The following LPIN2 variants were observed in gnomAD, a reference collection of about 807,000 sequenced individuals.
LPIN2 encodes the protein lipin 2.
LPIN2 carries 55 observed loss-of-function variants against 111.4 expected under a neutral mutation model. The ratio of observed to expected loss-of-function variants is 0.49; its 90% confidence interval spans 0.40 to 0.62. The LOEUF (loss-of-function observed/expected upper bound fraction) is 0.62. Ranked by LOEUF, LPIN2 falls within the 20% of genes least tolerant of loss-of-function variation. The probability of loss-of-function intolerance (pLI) is 0.00; values close to 1 mark genes in which losing one functional copy is unlikely to be tolerated. For synonymous variants in LPIN2, 425 were observed against 414.0 expected (o/e 1.03, Z -0.32); for missense variants, 992 against 1,112.1 (o/e 0.89, Z 1.54).
In LPIN2 at chr18:3,003,976, G is replaced by T. The variant is rs368474576; in HGVS notation, c.-10+9111C>A. ...ACCGTGTGGAAGGAATGCATTCCTG[G>T]GGGGAGGTCTATTAACGGCCGCTCT... On this transcript the variant is annotated intron_variant, in intron 1 of 19. Coordinates refer to ENST00000677752, the MANE Select transcript of LPIN2 (RefSeq NM_001375808.2). Among the ~76,000 whole-genome samples the T allele has an allele frequency of 7.9e-5, 12 of 151,862 alleles. No individual in the cohort carries two copies. In the East Asian group the frequency reaches 2.3e-3, roughly 29 times the overall value.
intron 1 of LPIN2, among the ~76,000 whole-genome samples, chr18:3,000,040 T>TC (rs1290653711): frequency 6.6e-6 from 1 of 150,478 alleles, no homozygotes; most frequent in African/African-American, 2.4e-5. Context: ...GTTTTTTTTT[T>TC]TCTTTTAAAA....
chr18:2,945,613 T>A (rs2077438972), intron 4 of LPIN2: 2 of 1,529,652 alleles, frequency 1.3e-6, no homozygotes, highest in Admixed American at 1.7e-5. Context: ...GCTTGCCCAC[T>A]GCATCGGTTC....
intron 2 of LPIN2, among the ~76,000 whole-genome samples, chr18:2,959,265 G>C (rs929908792): frequency 1.3e-5 from 2 of 152,142 alleles, no homozygotes; most frequent in African/African-American, 4.8e-5. Context: ...CTAGAAATGA[G>C]ATGTTTTTCC....
At chr18:2,955,289 T>C (rs1568566740) in intron 2 of LPIN2, among the ~76,000 whole-genome samples, 1 of 152,218 alleles carries the variant, frequency 6.6e-6, no homozygotes, top group Non-Finnish European at 1.5e-5. Context: ...CGTTGGCATC[T>C]GCTTGGTTTC....
At chr18:2,964,315 G>T (rs1055191686) in intron 1 of LPIN2, among the ~76,000 whole-genome samples, 2 of 150,922 alleles carry the variant, frequency 1.3e-5, no homozygotes, top group African/African-American at 4.9e-5. Flanking sequence ...AGAAATGAGG[G>T]TTAGAAAAGT....
At chr18:3,004,418 C>T (rs761985594) in intron 1 of LPIN2, among the ~76,000 whole-genome samples, 77 of 152,070 alleles carry the variant, frequency 5.1e-4, no homozygotes, top group Non-Finnish European at 9.0e-4. Flanking sequence ...TTTCTCAGAC[C>T]GGCCAACACT....
rs143753972 is a variant in LPIN2 at position 2,925,786 on chromosome 18, C to A, written c.1794-418G>T. Among the ~76,000 whole-genome samples, 27 of 152,248 alleles carry A rather than the reference C, an allele frequency of 1.8e-4. 1 individual carries two copies. The East Asian group carries it at 5.2e-3, about 29-fold the overall frequency. On this transcript the variant is annotated intron_variant, in intron 13 of 19. Transcript: ENST00000677752. The surrounding 1 kb of genome is among the most constrained non-coding windows in gnomAD (Gnocchi z 4.1). ...TTTGGGAGGCCGAGTTAGGAGGACACCTTGAGCCCAGGAGTTTGAGACCAG... is the reference window on the plus strand; with the variant it reads ...TTTGGGAGGCCGAGTTAGGAGGACAACTTGAGCCCAGGAGTTTGAGACCAG...
chr18:2,958,157 ACAAC>A (rs1267113672), intron 2 of LPIN2, among the ~76,000 whole-genome samples: 2,091 of 38,022 alleles, frequency 0.055, 614 homozygotes, highest in African/African-American at 0.13. Context: ...AAAAAAAAAA[ACAAC>A]AAAAAAAAAA....
chr18:2,979,548 C>A (rs1040917047), intron 1 of LPIN2, among the ~76,000 whole-genome samples: 4 of 152,144 alleles, frequency 2.6e-5, no homozygotes, highest in African/African-American at 9.7e-5. Flanking sequence ...AATTTTGTTT[C>A]CTCTACATTA....
chr18:2,960,539 C>T (rs1463853631), intron 2 of LPIN2, 110 bp downstream of exon 2: 2 of 1,042,082 alleles, frequency 1.9e-6, no homozygotes, highest in African/African-American at 1.6e-5. Flanking sequence ...GCCTAGAAAA[C>T]TCACAATAGC....
chr18:2,958,173 A>AAAAAAAAAGAAAAAAAAAAAAAC (rs2077650874), intron 2 of LPIN2, among the ~76,000 whole-genome samples: 1 of 126,256 alleles, frequency 7.9e-6, no homozygotes, highest in Non-Finnish European at 1.7e-5. Context: ...AAAAAAAAAA[A>AAAAAAAAAGAAAAAAAAAAAAAC]CAGAAAAAAG....
chr18:2,989,396 T>G (rs935131021), intron 1 of LPIN2, among the ~76,000 whole-genome samples: 1 of 151,632 alleles, frequency 6.6e-6, no homozygotes, highest in African/African-American at 2.4e-5. Context: ...AAAAAAAAAT[T>G]AAAGATAACC....
At position 2,951,270 on chromosome 18, in the gene LPIN2, C is replaced by G; in HGVS notation, c.375G>C (p.Ser125=). 6.2e-7 allele frequency: 1 copy of G among 1,614,006 alleles called. No homozygotes were observed. The highest frequency in any genetic ancestry group is 8.5e-7 in the Non-Finnish European group (1 of 1,179,990). The change falls in exon 4 of 20, where the codon TCG becomes TCC. Residue 125 remains serine, a synonymous_variant. Transcript: ENST00000677752. ...TCTGAGATGGTGTTTCATCTCCACC[C>G]GATTTCACCAAAGGGGTGTCAATAT... is the stretch of plus-strand genomic sequence containing the variant. ...FKDIDTPLVK[S]GGDETPSQSS...
intron 18 of LPIN2, 111 bp downstream of exon 18, chr18:2,921,422 C>G: frequency 2.5e-6 from 2 of 810,782 alleles, no homozygotes; most frequent in East Asian, 2.5e-5. Flanking sequence ...AGAACAGATG[C>G]CTCATTTTGC....
intron 1 of LPIN2, among the ~76,000 whole-genome samples, chr18:3,000,079 GAGA>G (rs1245602553): frequency 6.8e-6 from 1 of 147,500 alleles, no homozygotes; most frequent in Admixed American, 6.9e-5. Context: ...GGAGGAAGAG[GAGA>G]AGGAGGAAGA....
intron 16 of LPIN2, 145 bp downstream of exon 16, chr18:2,923,627 CCAT>C: frequency 1.3e-6 from 1 of 760,760 alleles, no homozygotes; most frequent in South Asian, 1.4e-5. Flanking sequence ...GGCTCCCACA[CCAT>C]CAACAGGAAA....
Position 2,946,371 on chromosome 18 carries a change from T to C in LPIN2, c.590+4684A>G, listed in dbSNP as rs568054187. The stretch of plus-strand genomic sequence containing the variant: ...TGTCTACCTTTTGTACAGCCTACAA[T>C]GCTTAAGAAATCAGAAAAATCAGTT... On this transcript the variant is annotated intron_variant, in intron 4 of 19. Coordinates refer to ENST00000677752, the MANE Select transcript of LPIN2 (RefSeq NM_001375808.2). 6.9e-5 allele frequency: 103 copies of C among 1,500,396 alleles called. No individual in the cohort carries two copies. The African/African-American group carries it at 1.2e-3, about 18-fold the overall frequency. The allele number at this position is 1,500,396 out of a possible 1,614,324, so 92.9% of individuals were successfully genotyped here. A position where few individuals can be genotyped will look rare whatever the true frequency, so the allele number is the denominator to read the frequency against.
At chr18:2,992,995 A>AG (rs917168729) in intron 1 of LPIN2, among the ~76,000 whole-genome samples, 1 of 132,148 alleles carries the variant, frequency 7.6e-6, no homozygotes, top group African/African-American at 2.7e-5. Flanking sequence ...AAAAAAAAAA[A>AG]TTTAAATATT....
chr18:2,924,819 C>T (rs1413531168), intron 14 of LPIN2, among the ~76,000 whole-genome samples: 1 of 152,222 alleles, frequency 6.6e-6, no homozygotes, highest in Non-Finnish European at 1.5e-5. Context: ...ACTGCTTTAG[C>T]CACAGCCTGC....
Sources: allele counts gnomAD v4.1 joint callset (sites outside exome capture counted in the v4.1 genomes callset), GRCh38; gene constraint gnomAD v4.1.1; non-coding constraint Gnocchi (gnomAD v3.1); transcripts MANE v1.5; gene names NCBI Gene and HGNC (gene_info 2026-07-23, HGNC 2026-07-21).